The following KIAA1328 variants were observed in gnomAD, a reference collection of about 807,000 sequenced individuals.
The protein encoded by KIAA1328 is protein hinderin.
A neutral mutation model predicts 68.1 loss-of-function variants in KIAA1328; 52 were observed. The observed-to-expected ratio is 0.76, with a 90% CI of 0.61 to 0.96. KIAA1328 has a LOEUF of 0.96. KIAA1328 is among the 40% of genes least tolerant of loss of function. KIAA1328 has a pLI of 0.00. For missense variants in KIAA1328, 641 were observed against 677.6 expected (o/e 0.95, Z 0.60); for synonymous variants, 232 against 239.4 (o/e 0.97, Z 0.28).
chr18:37,124,781 A>G (rs1452332544), intron 7 of KIAA1328, among the ~76,000 whole-genome samples: 1 of 152,134 alleles, frequency 6.6e-6, no homozygotes, highest in East Asian at 1.9e-4. Context: ...GCTTATTATC[A>G]TTCCAGTCCC....
intron 6 of KIAA1328, among the ~76,000 whole-genome samples, chr18:37,058,110 A>G (rs1351982229): frequency 1.3e-5 from 2 of 152,114 alleles, no homozygotes; most frequent in Non-Finnish European, 2.9e-5. Context: ...GAAGCTTTCT[A>G]GGGTTGTTCT....
intron 6 of KIAA1328, among the ~76,000 whole-genome samples, chr18:37,005,426 A>G (rs2053744392): frequency 1.4e-5 from 1 of 69,834 alleles, no homozygotes; most frequent in Non-Finnish European, 4.4e-5. Context: ...CAGAATAGCT[A>G]TTATTTAAAA....
chr18:36,889,574 G>C (rs1246627), intron 5 of KIAA1328, among the ~76,000 whole-genome samples: 61,233 of 152,022 alleles, frequency 0.4, 14,172 homozygotes, highest in African/African-American at 0.64. Flanking sequence ...TTAGCACTGA[G>C]TAGCTATCTG....
At chr18:36,848,541 CTTTTTTTT>C (rs59271370) in intron 4 of KIAA1328, among the ~76,000 whole-genome samples, 7 of 38,144 alleles carry the variant, frequency 1.8e-4, no homozygotes, top group African/African-American at 3.5e-4. Flanking sequence ...TCTATAGATG[CTTTTTTTT>C]TTTTTTTTTT....
intron 4 of KIAA1328, among the ~76,000 whole-genome samples, chr18:36,866,212 T>C (rs766382199): frequency 6.6e-6 from 1 of 152,160 alleles, no homozygotes; most frequent in Non-Finnish European, 1.5e-5. Flanking sequence ...CACCTTACTT[T>C]GGTTCTGCCA....
intron 7 of KIAA1328, among the ~76,000 whole-genome samples, chr18:37,099,095 G>T (rs1055081360): frequency 6.6e-6 from 1 of 151,954 alleles, no homozygotes. Flanking sequence ...CTCTGATTAG[G>T]TTATTTCTTG....
At chr18:37,229,970 G>C (rs1444599692), downstream of KIAA1328, 1 of 153,620 alleles carries the variant, frequency 6.5e-6, no homozygotes, top group Non-Finnish European at 1.4e-5. Context: ...TGCTTCTCTA[G>C]TACGACAGTT....
chr18:37,207,585 T>C (rs2060239472), intron 9 of KIAA1328, among the ~76,000 whole-genome samples: 1 of 152,192 alleles, frequency 6.6e-6, no homozygotes. Context: ...TTTCTTTAAC[T>C]GCCAGGTGGC....
intron 1 of KIAA1328, 26 bp downstream of exon 1, chr18:36,829,222 G>A (rs1181503582): frequency 1.8e-5 from 27 of 1,499,206 alleles, no homozygotes; most frequent in Non-Finnish European, 2.3e-5. Context: ...CTGACAGGGG[G>A]CGCCGGCGCC....
intron 9 of KIAA1328, among the ~76,000 whole-genome samples, chr18:37,173,788 C>G (rs1446019451): frequency 1.3e-5 from 2 of 152,152 alleles, no homozygotes; most frequent in African/African-American, 2.4e-5. Context: ...AGTCTCAAGT[C>G]TGATGATTTT....
At chr18:37,051,833 G>C (rs2055705429) in intron 6 of KIAA1328, among the ~76,000 whole-genome samples, 1 of 152,100 alleles carries the variant, frequency 6.6e-6, no homozygotes, top group East Asian at 1.9e-4. Flanking sequence ...ACTGAAGTCA[G>C]GAGTTCAAGA....
intron 5 of KIAA1328, among the ~76,000 whole-genome samples, chr18:36,951,576 C>G (rs1273328025): frequency 6.6e-6 from 1 of 152,180 alleles, no homozygotes; most frequent in South Asian, 2.1e-4. Flanking sequence ...TCTATTTCTA[C>G]TCAGACTTCT....
rs868373818 is a variant in KIAA1328, at chr18:37,007,903, T to C, written c.576+48468T>C. On this transcript the variant is annotated intron_variant, in intron 6 of 9. Transcript: ENST00000280020. ...GGAGTCAAAACTTAAAGGGGCAACC[T>C]GTATGGAAATGAGTTTCCTAGTTTG... is the stretch of plus-strand genomic sequence containing the variant. 3.4e-4 allele frequency among the ~76,000 whole-genome samples: 52 copies of C among 152,342 alleles called. 1 individual carries two copies. The highest frequency in any genetic ancestry group is 1.1e-3 in the African/African-American group (47 of 41,592).
At chr18:36,994,751 C>G (rs974748974) in intron 6 of KIAA1328, among the ~76,000 whole-genome samples, 1 of 152,128 alleles carries the variant, frequency 6.6e-6, no homozygotes, top group Non-Finnish European at 1.5e-5. Context: ...AATAGCTTAC[C>G]TCTTTCTAAA....
chr18:37,013,810 G>T (rs2054058506), intron 6 of KIAA1328, among the ~76,000 whole-genome samples: 1 of 152,202 alleles, frequency 6.6e-6, no homozygotes, highest in Admixed American at 6.5e-5. Context: ...GAACATGCAA[G>T]TACATGTGCC....
intron 4 of KIAA1328, among the ~76,000 whole-genome samples, chr18:36,880,488 A>G (rs1286238875): frequency 6.6e-6 from 1 of 152,084 alleles, no homozygotes; most frequent in African/African-American, 2.4e-5. Context: ...AGATTTCTTA[A>G]TATTTTCTGT....
chr18:37,021,844 C>G (rs1327472337), intron 6 of KIAA1328, among the ~76,000 whole-genome samples: 1 of 151,996 alleles, frequency 6.6e-6, no homozygotes, highest in African/African-American at 2.4e-5. Context: ...CAAGACCATC[C>G]TGGCTAACAC....
chr18:37,099,150 C>A (rs2057515483), intron 7 of KIAA1328, among the ~76,000 whole-genome samples: 1 of 152,110 alleles, frequency 6.6e-6, no homozygotes, highest in South Asian at 2.1e-4. Context: ...TTCTCTAGTT[C>A]TTTTAATTGT....
chr18:37,020,228 T>A (rs897318387), intron 6 of KIAA1328, among the ~76,000 whole-genome samples: 1 of 152,132 alleles, frequency 6.6e-6, no homozygotes, highest in African/African-American at 2.4e-5. Flanking sequence ...CGTTGAGCGA[T>A]CCTCCTGCCT....
Sources: allele counts gnomAD v4.1 joint callset (sites outside exome capture counted in the v4.1 genomes callset), GRCh38; gene constraint gnomAD v4.1.1; transcripts MANE v1.5; gene names NCBI Gene and HGNC (gene_info 2026-07-23, HGNC 2026-07-21).